The following WSCD1 variants were observed in gnomAD, a reference collection of about 807,000 sequenced individuals.
WSCD1 encodes the protein sialate:O-sulfotransferase 1.
A neutral mutation model predicts 60.4 loss-of-function variants in WSCD1; 41 were observed. That is an observed-to-expected ratio of 0.68 (90% CI 0.53 to 0.88). The LOEUF is 0.88. Ranked by LOEUF, WSCD1 falls within the 40% of genes least tolerant of loss-of-function variation. The pLI, the probability that WSCD1 is intolerant of heterozygous loss-of-function variation, is 0.00. For missense variants in WSCD1, 784 were observed against 796.2 expected, an observed-to-expected ratio of 0.98 and a Z score of 0.18; for synonymous variants, 361 against 332.5, an observed-to-expected ratio of 1.09 and a Z score of -0.93.
chr17:6,071,077 C>T (rs1325405641), intron 1 of WSCD1: 1 of 152,218 alleles, frequency 6.6e-6, no homozygotes, highest in African/African-American at 2.4e-5. Flanking sequence ...AGAAGCAGCT[C>T]CCTCTCGTTC....
At chr17:6,086,840 T>C (rs1909684733) in intron 2 of WSCD1, among the ~76,000 whole-genome samples, 1 of 152,108 alleles carries the variant, frequency 6.6e-6, no homozygotes, top group South Asian at 2.1e-4. Context: ...TCACGGAGCA[T>C]CCAGGCCTGT....
At chr17:6,116,523 C>T (rs1036934780) in intron 7 of WSCD1, among the ~76,000 whole-genome samples, 3 of 152,092 alleles carry the variant, frequency 2.0e-5, no homozygotes, top group African/African-American at 4.8e-5. Context: ...TTGGAAGAGG[C>T]GGAGGCAGTA....
chr17:6,073,290 A>G (rs1286923394), intron 1 of WSCD1, among the ~76,000 whole-genome samples: 1 of 152,226 alleles, frequency 6.6e-6, no homozygotes, highest in Middle Eastern at 3.2e-3. Context: ...TTTCAGCACC[A>G]GGTGGAAGAA....
intron 2 of WSCD1, among the ~76,000 whole-genome samples, chr17:6,085,195 C>T (rs140872330): frequency 6.6e-6 from 1 of 152,148 alleles, no homozygotes; most frequent in Non-Finnish European, 1.5e-5. Flanking sequence ...TGTTATGTGC[C>T]AAGCATTGTA....
chr17:6,095,370 C>G, intron 5 of WSCD1, 147 bp downstream of exon 5: 1 of 1,155,646 alleles, frequency 8.7e-7, no homozygotes, highest in South Asian at 2.0e-5. Context: ...GAGGCAGGCA[C>G]CAGGTACCAC....
chr17:6,088,093 G>A lies in WSCD1; in HGVS notation c.531G>A (p.Ala177=), dbSNP rs548871405. The A allele has an allele frequency of 8.1e-6, 13 of 1,613,960 alleles. No individual in the cohort carries two copies. Among genetic ancestry groups the A allele is most frequent in the South Asian group, 4.4e-5 (4 of 91,088 alleles). Residue 177 remains alanine (A), a synonymous_variant, in exon 3 of 9, where the codon GCG becomes GCA. Transcript: ENST00000317744. The part of the protein sequence containing the change: ...RKMTVSHCQD[A]CAERSYVYAG... ...TGACTGTCTCCCACTGCCAGGATGC[G>A]TGTGCTGAGCGGTGAGTGCTGGGGC...
At chr17:6,086,246 A>ACT (rs113349109) in intron 2 of WSCD1, among the ~76,000 whole-genome samples, 55 of 72,042 alleles carry the variant, frequency 7.6e-4, no homozygotes, top group African/African-American at 2.9e-3. Flanking sequence ...GACCGTCCTG[A>ACT]CTTCATATAT....
At chr17:6,108,763 G>T (rs912265947) in intron 5 of WSCD1, among the ~76,000 whole-genome samples, 1 of 152,230 alleles carries the variant, frequency 6.6e-6, no homozygotes, top group African/African-American at 2.4e-5. Context: ...CCTTCAGGAT[G>T]CCAGCTCTCT....
intron 5 of WSCD1, among the ~76,000 whole-genome samples, chr17:6,098,144 AG>A: frequency 1.1e-4 from 1 of 9,400 alleles, no homozygotes; most frequent in Non-Finnish European, 1.8e-4. Context: ...TTGCAGAGAC[AG>A]GGGGGCGGGG....
At position 6,100,742 on chromosome 17, in the gene WSCD1, A is replaced by G. The variant is rs372383302; in HGVS notation, c.849+5519A>G. On this transcript the variant is annotated intron_variant, in intron 5 of 8. Transcript: ENST00000317744. ...AGATGCCAACAGCCCATATTCCCTCAGTTGTGACACACAGTCCCCACACAT... is the reference window on the plus strand; with the variant it reads ...AGATGCCAACAGCCCATATTCCCTCGGTTGTGACACACAGTCCCCACACAT... Among the ~76,000 whole-genome samples the G allele has an allele frequency of 6.6e-5, 10 of 152,224 alleles. 1 individual carries two copies. Among genetic ancestry groups the G allele is most frequent in the African/African-American group, 2.4e-4 (10 of 41,554 alleles).
intron 3 of WSCD1, among the ~76,000 whole-genome samples, chr17:6,088,677 CTG>C (rs1489711315): frequency 7.6e-6 from 1 of 131,696 alleles, no homozygotes; most frequent in Non-Finnish European, 1.7e-5. Context: ...TCACAACTGA[CTG>C]TGTGTCTGTG....
chr17:6,120,003 CA>C (rs1281737465), intron 8 of WSCD1, among the ~76,000 whole-genome samples: 1 of 152,228 alleles, frequency 6.6e-6, no homozygotes, highest in Non-Finnish European at 1.5e-5. Context: ...AACTGGCAAT[CA>C]AACCACAAGA....
chr17:6,091,267 G>C (rs1910023375), intron 4 of WSCD1, among the ~76,000 whole-genome samples: 1 of 152,224 alleles, frequency 6.6e-6, no homozygotes, highest in African/African-American at 2.4e-5. Flanking sequence ...ACCTAGAAAT[G>C]CTGCATAAAA....
At chr17:6,103,222 A>G (rs534279786) in intron 5 of WSCD1, among the ~76,000 whole-genome samples, 10 of 152,324 alleles carry the variant, frequency 6.6e-5, no homozygotes, top group Admixed American at 2.0e-4. Flanking sequence ...GGGCACGAAC[A>G]GTTTTGTGAT....
chr17:6,100,840 C>G (rs145147740), intron 5 of WSCD1, among the ~76,000 whole-genome samples: 19 of 152,302 alleles, frequency 1.2e-4, no homozygotes, highest in Non-Finnish European at 2.5e-4. Flanking sequence ...CCTGAAGATG[C>G]CAGGCAGCCA....
rs933298009 is a variant in WSCD1, at chr17:6,070,654, T to C, written c.-289+2T>C. ...GCCCCAGCCGGCCGCGATCGCGGGG[T>C]GAGTCCTGTCTCTCGGCGCTCCAGC... On this transcript the variant is annotated splice_donor_variant, in intron 1 of 8. Transcript: ENST00000317744. LOFTEE classifies it low-confidence loss of function (5UTR_SPLICE). The C allele has an allele frequency of 2.0e-5, 3 of 148,090 alleles. No homozygotes were observed. The highest frequency in any genetic ancestry group is 7.5e-5 in the African/African-American group (3 of 40,204). 9.2% of individuals were successfully genotyped at this position (148,090 alleles called of 1,614,324 possible). A position where few individuals can be genotyped will look rare whatever the true frequency, so the allele number is the denominator to read the frequency against.
intron 1 of WSCD1, among the ~76,000 whole-genome samples, chr17:6,073,263 T>C (rs1908652657): frequency 6.6e-6 from 1 of 152,212 alleles, no homozygotes; most frequent in Non-Finnish European, 1.5e-5. Context: ...GGGATGGGCT[T>C]GAGACGACCC....
intron 5 of WSCD1, among the ~76,000 whole-genome samples, chr17:6,097,471 A>G (rs944571798): frequency 1.3e-5 from 2 of 152,228 alleles, no homozygotes; most frequent in African/African-American, 4.8e-5. Context: ...GCAGCCGGGC[A>G]GGAGCTGCAC....
At chr17:6,111,532 T>G (rs1214305827) in intron 7 of WSCD1, among the ~76,000 whole-genome samples, 3 of 151,830 alleles carry the variant, frequency 2.0e-5, no homozygotes, top group Non-Finnish European at 4.4e-5. Flanking sequence ...GAAACCTCAT[T>G]TCTACTAAAA....
Sources: gnomAD v4.1 joint callset for allele counts (sites outside exome capture counted in the v4.1 genomes callset) on GRCh38, gnomAD v4.1.1 for gene constraint, MANE v1.5 for transcripts, NCBI Gene and HGNC (gene_info 2026-07-23, HGNC 2026-07-21) for gene names.